The following ATP9B variants were observed in gnomAD, a reference collection of about 807,000 sequenced individuals.
The protein encoded by ATP9B is ATPase phospholipid transporting 9B, also known as probable phospholipid-transporting ATPase IIB.
Under a neutral mutation model 146.1 loss-of-function variants are expected in ATP9B, and 110 were observed. That is an observed-to-expected ratio of 0.75 (90% CI 0.65 to 0.88). ATP9B has a LOEUF of 0.88. ATP9B is among the 40% of genes least tolerant of loss of function. The pLI, the probability that ATP9B is intolerant of heterozygous loss-of-function variation, is 0.00. For synonymous variants in ATP9B, 604 were observed against 569.7 expected (o/e 1.06, Z -0.86); for missense variants, 1,499 against 1,496.4 (o/e 1.00, Z -0.03).
chr18:79,100,080 T>C (rs2075146568), intron 2 of ATP9B, among the ~76,000 whole-genome samples: 1 of 152,184 alleles, frequency 6.6e-6, no homozygotes, highest in Non-Finnish European at 1.5e-5. Context: ...TGAGCCGAGA[T>C]CATGCCACTG....
At chr18:79,251,629 T>C (rs758241635) in intron 11 of ATP9B, among the ~76,000 whole-genome samples, 43 of 152,354 alleles carry the variant, frequency 2.8e-4, no homozygotes, top group Non-Finnish European at 5.1e-4. Flanking sequence ...TATTTTTGCT[T>C]GATAACTGCA....
intron 4 of ATP9B, among the ~76,000 whole-genome samples, chr18:79,122,539 TTTC>T (rs1336945796): frequency 6.6e-6 from 1 of 152,206 alleles, no homozygotes; most frequent in African/African-American, 2.4e-5. Context: ...GTGCTATGAA[TTTC>T]TTACTTGTGG....
chr18:79,083,441 G>A (rs1048789676), intron 1 of ATP9B, among the ~76,000 whole-genome samples: 8 of 152,120 alleles, frequency 5.3e-5, no homozygotes, highest in African/African-American at 1.9e-4. Context: ...CATTCCAGGC[G>A]CCACTGGGGT....
intron 7 of ATP9B, among the ~76,000 whole-genome samples, chr18:79,172,700 T>C (rs527762964): frequency 7.9e-5 from 12 of 152,402 alleles, no homozygotes; most frequent in Non-Finnish European, 1.5e-4. Context: ...AGTTGTTGTA[T>C]ATGTCAATAG....
intron 27 of ATP9B, 73 bp from the exon 28 acceptor site, chr18:79,373,825 G>A: frequency 1.3e-6 from 2 of 1,515,496 alleles, no homozygotes; most frequent in East Asian, 2.3e-5. Flanking sequence ...TGACGTTGCT[G>A]GTTCAAGGCT....
At chr18:79,199,445 CT>C (rs1377441977) in intron 9 of ATP9B, among the ~76,000 whole-genome samples, 2 of 151,952 alleles carry the variant, frequency 1.3e-5, no homozygotes, top group African/African-American at 4.8e-5. Flanking sequence ...AAAAATTTTA[CT>C]TTTTAAACTT....
In ATP9B at chr18:79,241,785, G is replaced by A. The variant is rs117287732; in HGVS notation, c.1108-11596G>A. Among the ~76,000 whole-genome samples the A allele has an allele frequency of 1.8e-3, 267 of 152,344 alleles. 5 individuals carry two copies. The East Asian group carries it at 0.04, about 23-fold the overall frequency. On this transcript the variant is annotated intron_variant, in intron 11 of 29. Transcript: ENST00000426216. ...GTGACCTAGCAGTTGTCTTCTGCTG[G>A]CTGAATAATTAGTTTGTTTCTAAGA...
chr18:79,339,481 T>C (rs1368903816), intron 19 of ATP9B, among the ~76,000 whole-genome samples: 1 of 151,774 alleles, frequency 6.6e-6, no homozygotes, highest in Non-Finnish European at 1.5e-5. Context: ...AAGTGTGTCA[T>C]GATCACAGTA....
chr18:79,271,985 A>G (rs920864678), intron 12 of ATP9B, among the ~76,000 whole-genome samples: 1 of 152,154 alleles, frequency 6.6e-6, no homozygotes, highest in African/African-American at 2.4e-5. Context: ...TTCTCTGATG[A>G]CCAGTGATGA....
Position 79,342,281 on chromosome 18 carries a change from CAG to C in ATP9B, c.2298_2299del (p.Gly767ArgfsTer2). 6.2e-7 allele frequency: 1 copy of C among 1,612,980 alleles called. No individual in the cohort carries two copies. ...ATTGTTCCCTAGATATGGATGCTAA[CAG>C]GCGATAAACTCGAGACAGCTACCTG... On this transcript the variant is annotated frameshift_variant, in exon 20 of 30. Transcript: ENST00000426216. LOFTEE classifies it high-confidence loss of function.
chr18:79,298,921 C>T (rs1311688871), intron 13 of ATP9B, among the ~76,000 whole-genome samples: 3 of 113,354 alleles, frequency 2.6e-5, no homozygotes, highest in Admixed American at 1.0e-4. Context: ...TTGTTGAGGG[C>T]CAGCCTCCCT....
At chr18:79,243,434 T>G (rs1301815028) in intron 11 of ATP9B, among the ~76,000 whole-genome samples, 2 of 152,210 alleles carry the variant, frequency 1.3e-5, no homozygotes, top group Non-Finnish European at 2.9e-5. Context: ...GTTGAGTAGT[T>G]TTACATAGTG....
At chr18:79,287,272 A>G (rs1485028511) in intron 13 of ATP9B, among the ~76,000 whole-genome samples, 1 of 152,162 alleles carries the variant, frequency 6.6e-6, no homozygotes, top group East Asian at 1.9e-4. Flanking sequence ...TTGGTAAGCT[A>G]TTGATTATTG....
Position 79,374,120 on chromosome 18 carries a change from G to C in ATP9B, c.3274+19G>C. 1 of 1,611,206 alleles carries C rather than the reference G, an allele frequency of 6.2e-7. No individual in the cohort carries two copies. Among genetic ancestry groups the C allele is most frequent in the Non-Finnish European group, 8.5e-7 (1 of 1,177,994 alleles). On this transcript the variant is annotated intron_variant, in intron 28 of 29. Transcript: ENST00000426216. ...TATTTTGGTAAGTTGCCTTGGAATT[G>C]TTTTTTGAATCGTTCTCTATTCATG... is the stretch of plus-strand genomic sequence containing the variant.
chr18:79,156,318 T>C (rs1243442741), intron 7 of ATP9B, among the ~76,000 whole-genome samples: 1 of 152,198 alleles, frequency 6.6e-6, no homozygotes, highest in Non-Finnish European at 1.5e-5. Context: ...TGGTCCCATG[T>C]CACTGAACTC....
intron 11 of ATP9B, among the ~76,000 whole-genome samples, chr18:79,240,010 T>G (rs1224639204): frequency 1.3e-5 from 2 of 152,198 alleles, no homozygotes; most frequent in Non-Finnish European, 2.9e-5. Context: ...GTCCCAAGCT[T>G]GCCTGCGCTC....
intron 2 of ATP9B, among the ~76,000 whole-genome samples, chr18:79,108,709 CCT>C (rs1316386151): frequency 6.6e-6 from 1 of 152,110 alleles, no homozygotes; most frequent in South Asian, 2.1e-4. Flanking sequence ...TGGAACAGTC[CCT>C]GTTAGGGATG....
rs1568778063 is a variant in ATP9B at position 79,347,752 on chromosome 18, C to T, written c.2683-18C>T. On this transcript the variant is annotated intron_variant, in intron 23 of 29. Coordinates refer to ENST00000426216, the MANE Select transcript of ATP9B (RefSeq NM_198531.5). Reference sequence around the variant, plus strand: ...GCGTCCGCCATGTTTGAAAAGGCCCCGTGTGCTTTTCTCTCAGGAGGGTAA... The same window carrying T: ...GCGTCCGCCATGTTTGAAAAGGCCCTGTGTGCTTTTCTCTCAGGAGGGTAA... 3 of 1,524,988 alleles carry T rather than the reference C, an allele frequency of 2.0e-6. No individual in the cohort carries two copies. Among genetic ancestry groups the T allele is most frequent in the East Asian group, 2.3e-5 (1 of 42,918 alleles). The allele number at this position is 1,524,988 out of a possible 1,614,324, so 94.5% of individuals were successfully genotyped here. A position where few individuals can be genotyped will look rare whatever the true frequency, so the allele number is the denominator to read the frequency against.
intron 15 of ATP9B, among the ~76,000 whole-genome samples, chr18:79,317,322 T>G (rs2096686316): frequency 6.6e-6 from 1 of 152,032 alleles, no homozygotes; most frequent in South Asian, 2.1e-4. Flanking sequence ...AAAGACAAAT[T>G]AGGATTTCAA....
Sources: gnomAD v4.1 joint callset for allele counts (sites outside exome capture counted in the v4.1 genomes callset) on GRCh38, gnomAD v4.1.1 for gene constraint, MANE v1.5 for transcripts, NCBI Gene and HGNC (gene_info 2026-07-23, HGNC 2026-07-21) for gene names.